The following MALRD1 variants were observed in gnomAD, a reference collection of about 807,000 sequenced individuals.
The protein encoded by MALRD1 is MAM and LDL-receptor class A domain-containing protein 1.
A neutral mutation model predicts 242.1 loss-of-function variants in MALRD1; 247 were observed. That is an observed-to-expected ratio of 1.02 (90% CI 0.92 to 1.13). MALRD1 has a LOEUF of 1.13. Ranked by LOEUF, MALRD1 falls within the 50% of genes most tolerant of loss-of-function variation. MALRD1 has a pLI of 0.00. For missense variants in MALRD1, 2,989 were observed against 2,533.1 expected, an observed-to-expected ratio of 1.18 and a Z score of -3.86; for synonymous variants, 995 against 866.6, an observed-to-expected ratio of 1.15 and a Z score of -2.60.
In MALRD1 at chr10:19,049,147, A is replaced by C; in HGVS notation, c.199+10A>C. 8.1e-7 allele frequency: 1 copy of C among 1,233,776 alleles called. No homozygotes were observed. Among genetic ancestry groups the C allele is most frequent in the Non-Finnish European group, 1.0e-6 (1 of 988,014 alleles). 76.4% of individuals were successfully genotyped at this position (1,233,776 alleles called of 1,614,324 possible). A position where few individuals can be genotyped will look rare whatever the true frequency, so the allele number is the denominator to read the frequency against. Reference sequence around the variant, plus strand: ...AGTGATGAACGGCACTGTAAGTGACATTCTCCTTTCTCCAATTTCAATTCC... The same window carrying C: ...AGTGATGAACGGCACTGTAAGTGACCTTCTCCTTTCTCCAATTTCAATTCC... On this transcript the variant is annotated intron_variant, in intron 1 of 39. Transcript: ENST00000454679.
At chr10:19,170,241 G>T (rs1834864697) in intron 13 of MALRD1, among the ~76,000 whole-genome samples, 1 of 152,050 alleles carries the variant, frequency 6.6e-6, no homozygotes, top group Non-Finnish European at 1.5e-5. Context: ...GTTTTAACTT[G>T]GCCTGCTCAC....
chr10:19,058,978 C>T (rs1241305506), intron 1 of MALRD1, among the ~76,000 whole-genome samples: 1 of 152,060 alleles, frequency 6.6e-6, no homozygotes, highest in African/African-American at 2.4e-5. Context: ...TGTTCATGCC[C>T]TCTAACTGGT....
chr10:19,294,314 A>G (rs1472408140), intron 21 of MALRD1, among the ~76,000 whole-genome samples: 1 of 152,190 alleles, frequency 6.6e-6, no homozygotes, highest in Non-Finnish European at 1.5e-5. Context: ...GTGAAGGTAA[A>G]TTAGACTTGA....
chr10:19,122,251 G>A (rs1588576140), intron 5 of MALRD1, among the ~76,000 whole-genome samples: 1 of 152,172 alleles, frequency 6.6e-6, no homozygotes, highest in Non-Finnish European at 1.5e-5. Flanking sequence ...TATTGTTAGA[G>A]TAGAGATATG....
intron 28 of MALRD1, among the ~76,000 whole-genome samples, chr10:19,415,572 T>TA (rs1005468379): frequency 1.3e-5 from 2 of 152,136 alleles, no homozygotes; most frequent in African/African-American, 2.4e-5. Flanking sequence ...AAGCAAGACT[T>TA]AAAAAAATAA....
chr10:19,292,984 A>G (rs1841523617), intron 21 of MALRD1, among the ~76,000 whole-genome samples: 1 of 151,934 alleles, frequency 6.6e-6, no homozygotes, highest in Non-Finnish European at 1.5e-5. Context: ...ATGAATGTGG[A>G]TAAAAGCTTC....
chr10:19,183,330 G>A (rs1462527944), intron 14 of MALRD1, among the ~76,000 whole-genome samples: 11 of 151,440 alleles, frequency 7.3e-5, no homozygotes, highest in Admixed American at 7.2e-4. Flanking sequence ...AAGGTTTGAA[G>A]GAAGCATGCA....
chr10:19,564,393 A>G (rs189366935), intron 32 of MALRD1, among the ~76,000 whole-genome samples: 1 of 152,122 alleles, frequency 6.6e-6, no homozygotes, highest in African/African-American at 2.4e-5. Flanking sequence ...AATGTTCTAC[A>G]TTATAAGCAG....
At chr10:19,351,134 G>C (rs1046716739) in intron 25 of MALRD1, among the ~76,000 whole-genome samples, 1 of 152,144 alleles carries the variant, frequency 6.6e-6, no homozygotes, top group Non-Finnish European at 1.5e-5. Context: ...TTCTTGTAGA[G>C]TATGATATAT....
At chr10:19,436,556 C>T (rs1348763718) in intron 28 of MALRD1, among the ~76,000 whole-genome samples, 1 of 152,110 alleles carries the variant, frequency 6.6e-6, no homozygotes, top group Non-Finnish European at 1.5e-5. Flanking sequence ...ACCTATACCC[C>T]TGTAGAAAAC....
At chr10:19,166,601 G>A (rs989974751) in intron 13 of MALRD1, among the ~76,000 whole-genome samples, 36 of 152,188 alleles carry the variant, frequency 2.4e-4, no homozygotes, top group African/African-American at 8.4e-4. Context: ...ACAAAGAAAT[G>A]AGAAGTGTGT....
chr10:19,087,208 C>T (rs1835697877), intron 2 of MALRD1, among the ~76,000 whole-genome samples: 3 of 151,992 alleles, frequency 2.0e-5, no homozygotes, highest in South Asian at 2.1e-4. Context: ...AAGTCTTCAT[C>T]GAATTGCTTA....
intron 5 of MALRD1, among the ~76,000 whole-genome samples, chr10:19,116,661 A>T (rs1836880245): frequency 6.6e-6 from 1 of 152,190 alleles, no homozygotes; most frequent in South Asian, 2.1e-4. Context: ...CAGGCCCTAG[A>T]CATGTGACTT....
chr10:19,195,611 G>T (rs1237289620), intron 14 of MALRD1, among the ~76,000 whole-genome samples: 1 of 152,182 alleles, frequency 6.6e-6, no homozygotes, highest in Non-Finnish European at 1.5e-5. Flanking sequence ...CAGTCTTAGA[G>T]TATGTCCGGG....
rs1203283004 is a variant in MALRD1, at chr10:19,237,738, A to G, written c.2992-19946A>G. ...TTTATATATAAATATATAATTATAT[A>G]TAATTTATATATAAAACCATAATTA... is the stretch of plus-strand genomic sequence containing the variant. On this transcript the variant is annotated intron_variant, in intron 18 of 39. Coordinates refer to ENST00000454679, the MANE Select transcript of MALRD1 (RefSeq NM_001142308.3). 4.3e-5 allele frequency among the ~76,000 whole-genome samples: 5 copies of G among 117,050 alleles called. No individual in the cohort carries two copies. The Admixed American group carries it at 5.1e-4, about 12-fold the overall frequency. 76.8% of individuals were successfully genotyped at this position (117,050 alleles called of 152,430 possible).
At chr10:19,496,598 A>G (rs1334519232) in intron 30 of MALRD1, among the ~76,000 whole-genome samples, 2 of 152,208 alleles carry the variant, frequency 1.3e-5, no homozygotes, top group African/African-American at 4.8e-5. Context: ...GCCCACATCA[A>G]AAAGTTGGAA....
At chr10:19,162,027 CAAG>C (rs2131492325) in intron 12 of MALRD1, among the ~76,000 whole-genome samples, 1 of 134,408 alleles carries the variant, frequency 7.4e-6, no homozygotes, top group Non-Finnish European at 1.7e-5. Context: ...AACTCTGTCT[CAAG>C]AACAACAACA....
chr10:19,441,197 T>C (rs1325651784), intron 28 of MALRD1, among the ~76,000 whole-genome samples: 3 of 152,198 alleles, frequency 2.0e-5, no homozygotes, highest in African/African-American at 7.2e-5. Context: ...GGTTGTTTGA[T>C]TTTTTCTTGT....
At chr10:19,355,860 A>ATATATATATATATATG (rs1193551770) in intron 26 of MALRD1, among the ~76,000 whole-genome samples, 10 of 130,528 alleles carry the variant, frequency 7.7e-5, no homozygotes, top group African/African-American at 1.1e-4. Flanking sequence ...TATATATATT[A>ATATATATATATATATG]TATATGATAT....
Sources: allele counts gnomAD v4.1 joint callset (sites outside exome capture counted in the v4.1 genomes callset), GRCh38; gene constraint gnomAD v4.1.1; transcripts MANE v1.5; gene names NCBI Gene and HGNC (gene_info 2026-07-23, HGNC 2026-07-21).